The following CHODL variants were observed in gnomAD, a reference collection of about 807,000 sequenced individuals.
The protein encoded by CHODL is transmembrane protein MT75.
Under a neutral mutation model 34.5 loss-of-function variants are expected in CHODL, and 29 were observed. The ratio of observed to expected loss-of-function variants is 0.84; its 90% CI spans 0.63 to 1.15. The LOEUF (loss-of-function observed/expected upper bound fraction) is 1.15, where lower values mean the gene tolerates loss of function less well. Among genes scored for constraint, CHODL ranks in the 50% most tolerant of loss-of-function variants. CHODL has a pLI of 0.00. For synonymous variants in CHODL, 125 were observed against 116.1 expected (o/e 1.08, Z -0.49); for missense variants, 332 against 332.5 (o/e 1.00, Z 0.01).
chr21:18,003,051 G>T (rs927449115), intron 1 of CHODL, among the ~76,000 whole-genome samples: 23 of 151,610 alleles, frequency 1.5e-4, no homozygotes, highest in Admixed American at 1.4e-3. Context: ...TGAACCCCGG[G>T]GGGCGGAGTG....
At chr21:18,041,818 G>T (rs2064379092) in intron 2 of CHODL, among the ~76,000 whole-genome samples, 1 of 151,838 alleles carries the variant, frequency 6.6e-6, no homozygotes, top group African/African-American at 2.4e-5. Context: ...GGAAGGGCTT[G>T]ATCAATTCTA....
At chr21:17,968,011 G>A (rs2063586533) in intron 1 of CHODL, among the ~76,000 whole-genome samples, 1 of 152,204 alleles carries the variant, frequency 6.6e-6, no homozygotes, top group Non-Finnish European at 1.5e-5. Context: ...TTGCATCATT[G>A]CGGAAGTTGT....
chr21:18,060,151 G>A (rs923215054), intron 2 of CHODL, among the ~76,000 whole-genome samples: 2 of 151,974 alleles, frequency 1.3e-5, no homozygotes, highest in Non-Finnish European at 2.9e-5. Flanking sequence ...AAGCCACGGG[G>A]ACACCTTTAA....
intron 1 of CHODL, among the ~76,000 whole-genome samples, chr21:17,932,156 T>C (rs900061048): frequency 2.6e-5 from 4 of 151,896 alleles, no homozygotes; most frequent in Non-Finnish European, 5.9e-5. Flanking sequence ...GGGATACAAA[T>C]AGACACTGCT....
intron 1 of CHODL, among the ~76,000 whole-genome samples, chr21:17,921,203 A>T (rs2063181155): frequency 6.6e-6 from 1 of 152,216 alleles, no homozygotes; most frequent in African/African-American, 2.4e-5. Flanking sequence ...ATGCCAATGA[A>T]ATGTGAAGGT....
At chr21:18,146,720 C>T (rs901199393) in intron 2 of CHODL, among the ~76,000 whole-genome samples, 2 of 152,094 alleles carry the variant, frequency 1.3e-5, no homozygotes, top group African/African-American at 2.4e-5. Flanking sequence ...CATTTTTTAC[C>T]GATATCTCTC....
At position 18,260,246 on chromosome 21, in the gene CHODL, AC is replaced by A; in HGVS notation, c.596del (p.Pro199GlnfsTer15). On this transcript the variant is annotated frameshift_variant, in exon 4 of 6. Coordinates refer to ENST00000299295, the MANE Select transcript of CHODL (RefSeq NM_024944.3). LOFTEE classifies it high-confidence loss of function. The stretch of plus-strand genomic sequence containing the variant: ...TAGAAAAGCCTTATCTTACAAATCA[AC>A]CAGGAGACACCCATCAGAATGTGGT... Reference protein sequence around the residue: ...PVEKPYLTNQPGDTHQNVVVT... With the variant: ...PVEKPYLTNQXGDTHQNVVVT... 2 of 1,583,582 alleles carry A rather than the reference AC, an allele frequency of 1.3e-6. No homozygotes were observed. The highest frequency in any genetic ancestry group is 1.7e-6 in the Non-Finnish European group (2 of 1,167,990).
At chr21:18,172,897 A>G (rs2073249319) in intron 2 of CHODL, among the ~76,000 whole-genome samples, 1 of 152,130 alleles carries the variant, frequency 6.6e-6, no homozygotes, top group African/African-American at 2.4e-5. Flanking sequence ...ATCTTGGGGT[A>G]GGTTCTCATC....
At chr21:18,086,276 G>A (rs1241004483) in intron 2 of CHODL, among the ~76,000 whole-genome samples, 1 of 151,398 alleles carries the variant, frequency 6.6e-6, no homozygotes, top group African/African-American at 2.4e-5. Context: ...TGATTTCTTT[G>A]TATTGGTTTT....
rs545010022 is a variant in CHODL at position 18,169,917 on chromosome 21, T to C, written c.-44-86592T>C. Among the ~76,000 whole-genome samples the C allele has an allele frequency of 3.0e-4, 46 of 152,172 alleles. 1 individual carries two copies. The South Asian group carries it at 8.1e-3, about 27-fold the overall frequency. On this transcript the variant is annotated intron_variant, in intron 2 of 6. Coordinates refer to the CHODL transcript ENST00000400127. The stretch of plus-strand genomic sequence containing the variant: ...TCACATAAATGTAAATTTTCCAAAT[T>C]TCCTTCTGTTATTGATCTCTAGCTA...
chr21:18,145,867 C>G (rs969249798), intron 2 of CHODL, among the ~76,000 whole-genome samples: 4 of 152,216 alleles, frequency 2.6e-5, no homozygotes, highest in African/African-American at 7.2e-5. Context: ...TGTGGAACAA[C>G]TTTCTCATGC....
At chr21:18,065,434 C>T (rs2064720196) in intron 2 of CHODL, among the ~76,000 whole-genome samples, 2 of 152,140 alleles carry the variant, frequency 1.3e-5, no homozygotes. Flanking sequence ...ACGGAATGCA[C>T]ATAGTTCACG....
intron 2 of CHODL, among the ~76,000 whole-genome samples, chr21:18,080,105 C>A (rs2064923392): frequency 6.6e-6 from 1 of 152,018 alleles, no homozygotes; most frequent in Non-Finnish European, 1.5e-5. Context: ...AGCCCTTTTT[C>A]ATGTTTGTTA....
At chr21:18,265,761 T>C (rs768127022) in intron 5 of CHODL, among the ~76,000 whole-genome samples, 193 bp from the exon 6 acceptor site, 1 of 152,204 alleles carries the variant, frequency 6.6e-6, no homozygotes, top group Admixed American at 6.5e-5. Context: ...TTGTTTTCTC[T>C]ATCATTCACA....
intron 1 of CHODL, among the ~76,000 whole-genome samples, chr21:18,010,003 A>G (rs1026760579): frequency 2.0e-5 from 3 of 151,146 alleles, no homozygotes; most frequent in Admixed American, 6.6e-5. Flanking sequence ...AATCACTGCC[A>G]TGTTCAAATT....
At chr21:18,052,846 T>C (rs2064532797) in intron 2 of CHODL, among the ~76,000 whole-genome samples, 1 of 151,752 alleles carries the variant, frequency 6.6e-6, no homozygotes, top group Non-Finnish European at 1.5e-5. Flanking sequence ...TTAACATGAG[T>C]TTCAGGCTAA....
At chr21:18,239,249 G>T (rs574811455) in intron 2 of CHODL, among the ~76,000 whole-genome samples, 1 of 152,150 alleles carries the variant, frequency 6.6e-6, no homozygotes, top group South Asian at 2.1e-4. Flanking sequence ...GTTTACGGGT[G>T]CTGATATCTA....
intron 2 of CHODL, among the ~76,000 whole-genome samples, chr21:18,205,685 T>A (rs1041587660): frequency 1.3e-5 from 2 of 152,016 alleles, no homozygotes; most frequent in African/African-American, 4.8e-5. Flanking sequence ...TAAGAATTTT[T>A]AAAATTTCTC....
chr21:18,146,134 A>ATTTTTTTTTTT (rs574946951), intron 2 of CHODL, among the ~76,000 whole-genome samples: 1 of 139,558 alleles, frequency 7.2e-6, no homozygotes. Context: ...CGCCCGGTTA[A>ATTTTTTTTTTT]TTTTTTTTTT....
Sources: gnomAD v4.1 joint callset for allele counts (sites outside exome capture counted in the v4.1 genomes callset) on GRCh38, gnomAD v4.1.1 for gene constraint, MANE v1.5 for transcripts, NCBI Gene and HGNC (gene_info 2026-07-23, HGNC 2026-07-21) for gene names.